TBCE: variants seen among roughly 807,000 people sequenced by gnomAD.
TBCE encodes tubulin folding cofactor E, also known as tubulin-specific chaperone E.
In TBCE, 53 loss-of-function variants were observed where a neutral mutation model predicts 77.0. That is an observed-to-expected ratio of 0.69 (90% CI 0.55 to 0.87). The LOEUF is 0.87. TBCE is among the 40% of genes least tolerant of loss of function. TBCE has a pLI of 0.00. For synonymous variants in TBCE, 235 were observed against 241.3 expected, an observed-to-expected ratio of 0.97 and a Z score of 0.24; for missense variants, 624 against 622.4, an observed-to-expected ratio of 1.00 and a Z score of -0.03.
At chr1:235,417,925 C>T (rs1680192800) in intron 4 of TBCE, among the ~76,000 whole-genome samples, 1 of 151,996 alleles carries the variant, frequency 6.6e-6, no homozygotes, top group Non-Finnish European at 1.5e-5. Flanking sequence ...TTACAGGTGC[C>T]CCCCACTATG....
intron 15 of TBCE, among the ~76,000 whole-genome samples, chr1:235,446,429 G>A (rs4659884): frequency 0.74 from 111,745 of 151,798 alleles, 42,316 homozygotes; most frequent in African/African-American, 0.93. Flanking sequence ...CGCCCGCCTC[G>A]GCCTCCCAAA....
rs747389723 is a variant in TBCE at position 235,450,303 on chromosome 1, C to T, written c.*1541C>T. On this transcript the variant is annotated 3_prime_UTR_variant, in exon 17 of 17. Transcript: ENST00000642610. ...AGAATACTGAGGAGAAGACAGCATT[C>T]CTGTCTCACAGGTCTTCTCACACAG... The T allele has an allele frequency of 1.2e-6, 2 of 1,613,574 alleles. No homozygotes were observed. The highest frequency in any genetic ancestry group is 2.2e-5 in the South Asian group (2 of 91,060).
chr1:235,443,327 C>T (rs761523010), intron 15 of TBCE, among the ~76,000 whole-genome samples: 3 of 152,034 alleles, frequency 2.0e-5, no homozygotes, highest in Non-Finnish European at 2.9e-5. Context: ...TCAGCCTCCA[C>T]GTAGCTGGGA....
chr1:235,432,118 G>T (rs1572422507), intron 7 of TBCE, among the ~76,000 whole-genome samples: 1 of 152,070 alleles, frequency 6.6e-6, no homozygotes, highest in South Asian at 2.1e-4. Context: ...AAAGTAGCTG[G>T]GATTACAGGC....
chr1:235,418,479 C>T (rs1680220579), intron 4 of TBCE: 1 of 152,234 alleles, frequency 6.6e-6, no homozygotes, highest in Non-Finnish European at 1.5e-5. Flanking sequence ...GCACAAGATT[C>T]TCTACACTTA....
chr1:235,443,165 T>TACAC (rs759694992), intron 15 of TBCE, among the ~76,000 whole-genome samples: 77 of 148,506 alleles, frequency 5.2e-4, no homozygotes, highest in African/African-American at 1.4e-3. Context: ...TGCATATAAT[T>TACAC]ACACACACAC....
intron 8 of TBCE, among the ~76,000 whole-genome samples, chr1:235,435,289 C>T (rs563750625): frequency 5.9e-5 from 9 of 152,078 alleles, no homozygotes; most frequent in South Asian, 2.1e-4. Flanking sequence ...TTAGTAGAGA[C>T]GGGGTTTCAC....
intron 5 of TBCE, among the ~76,000 whole-genome samples, chr1:235,421,713 AAAAG>A (rs1263987220): frequency 1.3e-5 from 2 of 152,180 alleles, no homozygotes; most frequent in African/African-American, 4.8e-5. Flanking sequence ...GTTTCAAAAA[AAAAG>A]AAAGAAATTT....
intron 5 of TBCE, among the ~76,000 whole-genome samples, chr1:235,426,715 C>T (rs1447973926): frequency 6.6e-6 from 1 of 152,152 alleles, no homozygotes; most frequent in East Asian, 1.9e-4. Context: ...GCGCAGTCTC[C>T]ACTCACTGCA....
chr1:235,389,378 A>C (rs181807461), intron 2 of TBCE, among the ~76,000 whole-genome samples: 1 of 152,124 alleles, frequency 6.6e-6, no homozygotes, highest in East Asian at 1.9e-4. Context: ...CCTAGGCTGG[A>C]GTGCAATGGC....
intron 5 of TBCE, 88 bp downstream of exon 5, chr1:235,419,649 C>T: frequency 6.4e-7 from 1 of 1,555,780 alleles, no homozygotes; most frequent in South Asian, 1.1e-5. Context: ...ACCCATTGTC[C>T]AGTCTTGACA....
chr1:235,401,826 C>CTTTTTTTTTTTTTT (rs11285286), intron 3 of TBCE, among the ~76,000 whole-genome samples: 3 of 88,604 alleles, frequency 3.4e-5, no homozygotes, highest in Non-Finnish European at 6.3e-5. Context: ...TTTCTTCGTC[C>CTTTTTTTTTTTTTT]TTTTTTTTTT....
At position 235,403,326 on chromosome 1, in the gene TBCE, C is replaced by T. The variant is rs560926719; in HGVS notation, c.185+1739C>T. ...GGTTCAAGCAATTCCCCTGCCTCAG[C>T]CTCCTGAGTAGCTGGGATCACAGGC... On this transcript the variant is annotated intron_variant, in intron 3 of 16. Transcript: ENST00000642610. Among the ~76,000 whole-genome samples the T allele has an allele frequency of 3.8e-4, 58 of 152,224 alleles. No homozygotes were observed. In the South Asian group the frequency reaches 9.7e-3, roughly 26 times the overall value.
chr1:235,384,653 G>A (rs1389751964), intron 2 of TBCE, among the ~76,000 whole-genome samples: 13 of 150,492 alleles, frequency 8.6e-5, no homozygotes, highest in African/African-American at 1.7e-4. Flanking sequence ...CTGTGGGATC[G>A]GTGGTGATAT....
At chr1:235,446,228 T>C (rs1682272284) in intron 15 of TBCE, among the ~76,000 whole-genome samples, 2 of 152,050 alleles carry the variant, frequency 1.3e-5, no homozygotes, top group South Asian at 4.1e-4. Context: ...CAGGCTAGAG[T>C]GCAGTGGCAT....
At position 235,448,910 on chromosome 1, in the gene TBCE, G is replaced by A; in HGVS notation, c.*148G>A. The A allele has an allele frequency of 1.5e-6, 1 of 678,780 alleles. No individual in the cohort carries two copies. Among genetic ancestry groups the A allele is most frequent in the South Asian group, 1.5e-5 (1 of 64,582 alleles). The allele number at this position is 678,780 out of a possible 1,614,324, so 42.0% of individuals were successfully genotyped here. On this transcript the variant is annotated 3_prime_UTR_variant, in exon 17 of 17. Coordinates refer to ENST00000642610, the MANE Select transcript of TBCE (RefSeq NM_003193.5). ...TAACAAGGGATGTATTTTTTGTTGG[G>A]AAGTGACCATTTCTAGGCTTATACA...
chr1:235,403,430 G>T (rs1351382604), intron 3 of TBCE, among the ~76,000 whole-genome samples: 1 of 151,874 alleles, frequency 6.6e-6, no homozygotes, highest in African/African-American at 2.4e-5. Context: ...GACTGTTCTC[G>T]AACTCCTGAC....
intron 5 of TBCE, among the ~76,000 whole-genome samples, chr1:235,422,067 G>A (rs527676928): frequency 3.9e-5 from 6 of 152,308 alleles, no homozygotes; most frequent in South Asian, 2.1e-4. Context: ...TGACCCCAGC[G>A]TGCTGCAAAT....
chr1:235,408,638 G>T (rs1485623106), intron 3 of TBCE, among the ~76,000 whole-genome samples: 1 of 152,110 alleles, frequency 6.6e-6, no homozygotes, highest in South Asian at 2.1e-4. Flanking sequence ...CTACAGCAAG[G>T]TGCTTATCTA....
Sources: allele counts gnomAD v4.1 joint callset (sites outside exome capture counted in the v4.1 genomes callset), GRCh38; gene constraint gnomAD v4.1.1; transcripts MANE v1.5; gene names NCBI Gene and HGNC (gene_info 2026-07-23, HGNC 2026-07-21).